Variants in COX4I1 observed in about 807,000 individuals in gnomAD.
COX4I1 encodes the protein cytochrome c oxidase subunit 4 isoform 1, mitochondrial.
In COX4I1, 18 loss-of-function variants were observed where a neutral mutation model predicts 21.7. The ratio of observed to expected loss-of-function variants is 0.83; its 90% CI spans 0.57 to 1.23. The LOEUF (loss-of-function observed/expected upper bound fraction) is 1.23, where lower values mean the gene tolerates loss of function less well. COX4I1 is among the 50% of genes most tolerant of loss of function. COX4I1 has a pLI of 0.00. For missense variants in COX4I1, 238 were observed against 220.7 expected (o/e 1.08, Z -0.50); for synonymous variants, 100 against 81.5 (o/e 1.23, Z -1.23).
chr16:85,805,366 A>T (rs1003262940), intron 3 of COX4I1: 2 of 524,400 alleles, frequency 3.8e-6, no homozygotes, highest in Non-Finnish European at 6.7e-6. Flanking sequence ...GCTGGGTAAG[A>T]CATAGTTAAC....
chr16:85,805,370 A>C, intron 3 of COX4I1: 1 of 519,200 alleles, frequency 1.9e-6, no homozygotes, highest in Admixed American at 3.5e-5. Context: ...GGTAAGACAT[A>C]GTTAACTGTA....
Position 85,805,822 on chromosome 16 carries a change from A to G in COX4I1, c.331A>G (p.Ile111Val), listed in dbSNP as rs371834112. 3.7e-6 allele frequency: 6 copies of G among 1,614,144 alleles called. No homozygotes were observed. In the African/African-American group the frequency reaches 6.7e-5, roughly 18 times the overall value. Residue 111 changes from isoleucine (I) to valine (V), a missense_variant, in exon 4 of 5, where the codon ATC becomes GTC. Coordinates refer to ENST00000253452, the MANE Select transcript of COX4I1 (RefSeq NM_001861.6). The stretch of plus-strand genomic sequence containing the variant: ...GGTTGTGGGCGGTGCCATGTTCTTC[A>G]TCGGTTTCACCGCGCTCGTTATCAT... ...KTVVGGAMFF[I>V]GFTALVIMWQ...
intron 2 of COX4I1, among the ~76,000 whole-genome samples, chr16:85,801,592 C>T (rs1905769918): frequency 6.6e-6 from 1 of 152,232 alleles, no homozygotes; most frequent in South Asian, 2.1e-4. Flanking sequence ...TTAATGACCT[C>T]CCTCCCCACC....
intron 2 of COX4I1, among the ~76,000 whole-genome samples, chr16:85,801,780 T>G (rs1328791574): frequency 6.6e-6 from 1 of 152,210 alleles, no homozygotes; most frequent in African/African-American, 2.4e-5. Context: ...AGAGCTTAGT[T>G]CTGTGTCTGG....
chr16:85,804,311 G>C (rs1905995615), intron 2 of COX4I1: 1 of 152,258 alleles, frequency 6.6e-6, no homozygotes, highest in African/African-American at 2.4e-5. Flanking sequence ...CCTGTTCAGG[G>C]AGCCCTGAGG....
At chr16:85,802,020 A>AG (rs1201462336) in intron 2 of COX4I1, among the ~76,000 whole-genome samples, 3 of 152,108 alleles carry the variant, frequency 2.0e-5, no homozygotes, top group African/African-American at 7.2e-5. Context: ...GAAACTCTCC[A>AG]GGGTCTTTTC....
At position 85,804,442 on chromosome 16, in the gene COX4I1, C is replaced by T. The variant is rs186065307; in HGVS notation, c.74-495C>T. 268 of 153,580 alleles carry T rather than the reference C, an allele frequency of 1.7e-3. 2 individuals carry two copies. Among genetic ancestry groups the T allele is most frequent in the Middle Eastern group, 0.013 (4 of 298 alleles). The allele number at this position is 153,580 out of a possible 1,614,324, so 9.5% of individuals were successfully genotyped here. A position where few individuals can be genotyped will look rare whatever the true frequency, so the allele number is the denominator to read the frequency against. On this transcript the variant is annotated intron_variant, in intron 2 of 4. Transcript: ENST00000253452. ...TGCGATCTCAGCTCACTGCAACCTCCGCCTCCTGCGTTCAAGCGATTCTCC... is the reference window on the plus strand; with the variant it reads ...TGCGATCTCAGCTCACTGCAACCTCTGCCTCCTGCGTTCAAGCGATTCTCC...
rs749233847 is a variant in COX4I1, at chr16:85,801,252, C to G, written c.47C>G (p.Ser16Cys). The G allele has an allele frequency of 6.2e-7, 1 of 1,610,954 alleles. No homozygotes were observed. Among genetic ancestry groups the G allele is most frequent in the Non-Finnish European group, 8.5e-7 (1 of 1,177,390 alleles). The change falls in exon 2 of 5, where the codon TCC (serine) becomes TGC (cysteine). Residue 16 changes from serine (S) to cysteine (C), a missense_variant. Ser to Cys is a moderately radical substitution (Grantham distance 112, BLOSUM62 -1). Transcript: ENST00000253452. ...AGCCTAGTTGGCAAGCGAGCAATTT[C>G]CACCTCTGTGTGTGTACGAGCTCAT... Reference protein sequence around the residue: ...VFSLVGKRAISTSVCVRAHES... With the variant: ...VFSLVGKRAICTSVCVRAHES...
In COX4I1 at chr16:85,805,830, C is replaced by T. The variant is rs1906151563; in HGVS notation, c.339C>T (p.Phe113=). 1.3e-5 allele frequency: 21 copies of T among 1,614,234 alleles called. No individual in the cohort carries two copies. The highest frequency in any genetic ancestry group is 1.7e-5 in the Non-Finnish European group (20 of 1,180,040). ...VVGGAMFFIG[F]TALVIMWQKH... is the part of the protein sequence containing the mutation. ...GCGGTGCCATGTTCTTCATCGGTTT[C>T]ACCGCGCTCGTTATCATGTGGCAGA... The change falls in exon 4 of 5, where the codon TTC becomes TTT. Residue 113 remains phenylalanine (F), a synonymous_variant. Transcript: ENST00000253452.
At position 85,805,340 on chromosome 16, in the gene COX4I1, G is replaced by A. The variant is rs568446272; in HGVS notation, c.241+236G>A. 1.0e-4 allele frequency: 55 copies of A among 542,756 alleles called. 1 individual carries two copies. In the South Asian group the frequency reaches 1.2e-3, roughly 12 times the overall value. 33.6% of individuals were successfully genotyped at this position (542,756 alleles called of 1,614,324 possible). ...CCCTTCTCTGTGCTGAGTGGAGGTAGCCTCTCAGCATATCTGCTGGGTAAG... is the reference window on the plus strand; with the variant it reads ...CCCTTCTCTGTGCTGAGTGGAGGTAACCTCTCAGCATATCTGCTGGGTAAG... On this transcript the variant is annotated intron_variant, in intron 3 of 4. Coordinates refer to ENST00000253452, the MANE Select transcript of COX4I1 (RefSeq NM_001861.6).
At chr16:85,801,405 T>C (rs1905747968) in intron 2 of COX4I1, 127 bp downstream of exon 2, 3 of 669,594 alleles carry the variant, frequency 4.5e-6, no homozygotes, top group Admixed American at 4.8e-5. Flanking sequence ...AGGGGAGATA[T>C]AAATGTTCTC....
At position 85,799,968 on chromosome 16, in the gene COX4I1, A is replaced by G. The variant is rs1597213443; in HGVS notation, c.-2+216A>G. The G allele has an allele frequency of 1.3e-5, 2 of 151,912 alleles. No individual in the cohort carries two copies. The highest frequency in any genetic ancestry group is 2.0e-4 in the East Asian group (1 of 5,122). The allele number at this position is 151,912 out of a possible 1,614,324, so 9.4% of individuals were successfully genotyped here. On this transcript the variant is annotated intron_variant, in intron 1 of 4. Transcript: ENST00000253452. This position sits in a 1 kb window ranked among gnomAD's most constrained non-coding sequence, Gnocchi z 4.2. ...CGCCCCGAAGTGCCCGGTCCATCTT[A>G]CCCGGTCTCGCAGCGGCTGCGGACC...
intron 3 of COX4I1, 97 bp downstream of exon 3, chr16:85,805,201 A>T: frequency 9.6e-7 from 1 of 1,042,794 alleles, no homozygotes; most frequent in African/African-American, 1.6e-5. Context: ...GTCTAGAGGC[A>T]GTCTTGCACA....
chr16:85,804,286 C>T (rs545802040), intron 2 of COX4I1: 6 of 152,236 alleles, frequency 3.9e-5, no homozygotes, highest in African/African-American at 1.4e-4. Flanking sequence ...GATAGGCTTT[C>T]ATTTTGTCCA....
Position 85,806,348 on chromosome 16 carries a change from G to A in COX4I1, c.374-390G>A, listed in dbSNP as rs537923346. Reference sequence around the variant, plus strand: ...ATGACTCTTCCCCGAGGTTCTTTCTGTCCAGGCAGAACAGGCATTTTTGCA... The same window carrying A: ...ATGACTCTTCCCCGAGGTTCTTTCTATCCAGGCAGAACAGGCATTTTTGCA... On this transcript the variant is annotated intron_variant, in intron 4 of 4. Coordinates refer to ENST00000253452, the MANE Select transcript of COX4I1 (RefSeq NM_001861.6). The A allele has an allele frequency of 1.1e-5, 7 of 645,738 alleles. No individual in the cohort carries two copies. In the South Asian group the frequency reaches 1.2e-4, roughly 11 times the overall value. 40.0% of individuals were successfully genotyped at this position (645,738 alleles called of 1,614,324 possible). A position where few individuals can be genotyped will look rare whatever the true frequency, so the allele number is the denominator to read the frequency against.
In COX4I1 at chr16:85,801,229, C is replaced by G. The variant is rs1198492557; in HGVS notation, c.24C>G (p.Ser8Arg). 6.2e-7 allele frequency: 1 copy of G among 1,609,584 alleles called. No homozygotes were observed. Among genetic ancestry groups the G allele is most frequent in the South Asian group, 1.1e-5 (1 of 90,872 alleles). The change falls in exon 2 of 5, where the codon AGC (serine) becomes AGG (arginine). Residue 8 changes from serine (S) to arginine (R), a missense_variant. Transcript: ENST00000253452. MLATRVF[S>R]LVGKRAISTS... is the part of the protein sequence containing the mutation. The stretch of plus-strand genomic sequence containing the variant: ...GAATGTTGGCTACCAGGGTATTTAG[C>G]CTAGTTGGCAAGCGAGCAATTTCCA...
intron 1 of COX4I1, among the ~76,000 whole-genome samples, chr16:85,800,972 G>C (rs1275178922): frequency 1.3e-5 from 2 of 152,248 alleles, no homozygotes; most frequent in African/African-American, 4.8e-5. Context: ...TACCTGAAGC[G>C]CGTATATATT....
Position 85,805,854 on chromosome 16 carries a change from G to C in COX4I1, c.363G>C (p.Gln121His). The change falls in exon 4 of 5, where the codon CAG becomes CAC. Residue 121 changes from glutamine to histidine, a missense_variant. Coordinates refer to ENST00000253452, the MANE Select transcript of COX4I1 (RefSeq NM_001861.6). ...IGFTALVIMW[Q>H]KHYVYGPLPQ... Reference sequence around the variant, plus strand: ...TCACCGCGCTCGTTATCATGTGGCAGAAGCACTATGGTGAGTAGAGAGGGA... The same window carrying C: ...TCACCGCGCTCGTTATCATGTGGCACAAGCACTATGGTGAGTAGAGAGGGA... 2 of 1,614,232 alleles carry C rather than the reference G, an allele frequency of 1.2e-6. No individual in the cohort carries two copies. Among genetic ancestry groups the C allele is most frequent in the Non-Finnish European group, 1.7e-6 (2 of 1,180,042 alleles).
At chr16:85,805,560 TG>T in intron 3 of COX4I1, 172 bp from the exon 4 acceptor site, 1 of 868,164 alleles carries the variant, frequency 1.2e-6, no homozygotes, top group East Asian at 2.6e-5. Context: ...CATGCCTGCG[TG>T]GGCACGTGTG....
Sources: allele counts gnomAD v4.1 joint callset (sites outside exome capture counted in the v4.1 genomes callset), GRCh38; gene constraint gnomAD v4.1.1; non-coding constraint Gnocchi (gnomAD v3.1); transcripts MANE v1.5; gene names NCBI Gene and HGNC (gene_info 2026-07-23, HGNC 2026-07-21).